The following DNA2 variants were observed in gnomAD, a reference collection of about 807,000 sequenced individuals.
DNA2 encodes DNA replication helicase/nuclease 2.
A neutral mutation model predicts 119.1 loss-of-function variants in DNA2; 101 were observed. The observed-to-expected ratio is 0.85, with a 90% CI of 0.72 to 1.00. DNA2 has a LOEUF of 1.00. Ranked by LOEUF, DNA2 falls within the 50% of genes least tolerant of loss-of-function variation. The pLI is 0.00. For missense variants in DNA2, 1,121 were observed against 1,255.5 expected (o/e 0.89, Z 1.62); for synonymous variants, 366 against 424.4 (o/e 0.86, Z 1.69).
chr10:68,434,269 T>C (rs1008574991), intron 10 of DNA2, among the ~76,000 whole-genome samples: 17 of 141,378 alleles, frequency 1.2e-4, no homozygotes, highest in African/African-American at 2.2e-4. Flanking sequence ...TGAGACGGTC[T>C]CAAAAAAAAA....
intron 20 of DNA2, 81 bp downstream of exon 20, chr10:68,416,628 T>C: frequency 7.1e-7 from 1 of 1,407,044 alleles, no homozygotes; most frequent in Admixed American, 1.8e-5. Flanking sequence ...AGCAACATAG[T>C]GAGAGCTTTA....
intron 4 of DNA2, among the ~76,000 whole-genome samples, chr10:68,462,584 T>C (rs778453275): frequency 2.0e-5 from 3 of 152,158 alleles, no homozygotes; most frequent in Non-Finnish European, 4.4e-5. Flanking sequence ...TTATTCCAGT[T>C]CCTTCTTTAT....
intron 5 of DNA2, 27 bp downstream of exon 5, chr10:68,459,077 T>C (rs1245292732): frequency 1.3e-6 from 2 of 1,558,848 alleles, no homozygotes; most frequent in Non-Finnish European, 1.7e-6. Context: ...ATGAAGACTA[T>C]ATATATAAAC....
chr10:68,429,907 G>T (rs1176952470), intron 14 of DNA2, among the ~76,000 whole-genome samples: 2 of 129,554 alleles, frequency 1.5e-5, no homozygotes, highest in African/African-American at 6.1e-5. Flanking sequence ...TTTTGAGCTG[G>T]AGTCTTGCAT....
Position 68,422,535 on chromosome 10 carries a change from G to A in DNA2, c.2472C>T (p.Thr824=), listed in dbSNP as rs767523892. The change falls in exon 16 of 21, where the codon ACC becomes ACT. Residue 824 remains threonine, a synonymous_variant. Transcript: ENST00000358410. The part of the protein sequence containing the change: ...EQNKSAVVQL[T]VQYRMNSKIM... ...AATACCTGTTCATTCTGTACTGCAC[G>A]GTTAACTGTACAACAGCACTCTTAT... 97 of 1,613,760 alleles carry A rather than the reference G, an allele frequency of 6.0e-5. No homozygotes were observed. Among genetic ancestry groups the A allele is most frequent in the Admixed American group, 1.2e-4 (7 of 59,982 alleles).
Position 68,416,735 on chromosome 10 carries a change from G to A in DNA2, c.3088C>T (p.Leu1030Phe). The A allele has an allele frequency of 6.2e-7, 1 of 1,613,758 alleles. No individual in the cohort carries two copies. The highest frequency in any genetic ancestry group is 8.5e-7 in the Non-Finnish European group (1 of 1,179,710). The change falls in exon 20 of 21, where the codon CTT (leucine) becomes TTT (phenylalanine). Residue 1030 changes from leucine to phenylalanine, a missense_variant. Leu to Phe is a conservative substitution (Grantham distance 22, BLOSUM62 0). Coordinates refer to ENST00000358410, the MANE Select transcript of DNA2 (RefSeq NM_001080449.3). Reference protein sequence around the residue: ...LNCYPPLEKLLNHLNSEKLII... With the variant: ...LNCYPPLEKLFNHLNSEKLII... Reference sequence around the variant, plus strand: ...AATTTTTCTGAGTTTAAATGATTAAGCAGCTTCTCCAAAGGAGGATAGCAA... The same window carrying A: ...AATTTTTCTGAGTTTAAATGATTAAACAGCTTCTCCAAAGGAGGATAGCAA...
At chr10:68,440,183 A>C (rs1383193500) in intron 9 of DNA2, among the ~76,000 whole-genome samples, 1 of 151,970 alleles carries the variant, frequency 6.6e-6, no homozygotes, top group Non-Finnish European at 1.5e-5. Flanking sequence ...ACGTGCCTGT[A>C]AACCCAGCTT....
chr10:68,444,460 C>T (rs1016769779), intron 8 of DNA2, among the ~76,000 whole-genome samples: 6 of 151,716 alleles, frequency 4.0e-5, no homozygotes, highest in African/African-American at 1.2e-4. Context: ...CGCGGTGGCT[C>T]ACGCCTGTAA....
chr10:68,417,123 G>A (rs991792579), intron 19 of DNA2, among the ~76,000 whole-genome samples: 2 of 151,708 alleles, frequency 1.3e-5, no homozygotes, highest in Admixed American at 6.6e-5. Context: ...GTGCACCTAC[G>A]GTCCCAGCTA....
rs540241779 is a variant in DNA2, at chr10:68,470,045, G to A, written c.193C>T (p.Arg65Cys). The A allele has an allele frequency of 8.7e-6, 14 of 1,613,540 alleles. No individual in the cohort carries two copies. Among genetic ancestry groups the A allele is most frequent in the East Asian group, 2.2e-5 (1 of 44,886 alleles). Residue 65 changes from arginine to cysteine, a missense_variant, in exon 2 of 21, where the codon CGC (arginine) becomes TGC (cysteine). By Grantham distance (180) the Arg-to-Cys change is radical. Coordinates refer to ENST00000358410, the MANE Select transcript of DNA2 (RefSeq NM_001080449.3). ...GACTGTGAAGCAGTGATGACCAGGC[G>A]CTTTTCACAGTTTCCCTCTTTGTTC... is the stretch of plus-strand genomic sequence containing the variant. Reference protein sequence around the residue: ...VQNKEGNCEKRLVITASQSLE... With the variant: ...VQNKEGNCEKCLVITASQSLE...
chr10:68,425,550 T>G (rs2051729161), intron 14 of DNA2, among the ~76,000 whole-genome samples: 1 of 151,834 alleles, frequency 6.6e-6, no homozygotes, highest in Admixed American at 6.6e-5. Context: ...TACAGGTACC[T>G]GCCACCATAC....
chr10:68,429,183 T>A (rs1306029502), intron 14 of DNA2, among the ~76,000 whole-genome samples: 1 of 146,804 alleles, frequency 6.8e-6, no homozygotes, highest in African/African-American at 2.5e-5. Context: ...AAGACAAAAA[T>A]ATCAGTTAAG....
intron 20 of DNA2, among the ~76,000 whole-genome samples, chr10:68,415,855 T>C (rs563771506): frequency 1.3e-5 from 2 of 151,556 alleles, no homozygotes; most frequent in African/African-American, 4.8e-5. Flanking sequence ...GGTTTCACCA[T>C]GTTAGCCAGG....
Position 68,450,221 on chromosome 10 carries a change from G to T in DNA2, c.746C>A (p.Ser249Ter), listed in dbSNP as rs755706807. ...SLPSDNSKDNSTCNIEVVKPM... is the reference protein window; with the variant it reads ...SLPSDNSKDN ...TTTCACGACTTCAATGTTACATGTT[G>T]AATTATCCTTACTATTATCACTTGG... Residue 249 changes from serine (S) to a stop codon, truncating the protein, a stop_gained, in exon 6 of 21, where the codon TCA becomes TAA. Coordinates refer to ENST00000358410, the MANE Select transcript of DNA2 (RefSeq NM_001080449.3). LOFTEE classifies it high-confidence loss of function. 1.0e-5 allele frequency: 16 copies of T among 1,581,180 alleles called. No individual in the cohort carries two copies. The highest frequency in any genetic ancestry group is 1.1e-5 in the South Asian group (1 of 87,172).
chr10:68,471,657 C>G, intron 1 of DNA2, 134 bp downstream of exon 1: 1 of 1,109,538 alleles, frequency 9.0e-7, no homozygotes, highest in East Asian at 2.8e-5. Context: ...GGAGGCTCGT[C>G]GGGTGCCCAG....
chr10:68,470,762 G>A (rs116038834), intron 1 of DNA2: 2 of 329,066 alleles, frequency 6.1e-6, no homozygotes, highest in Admixed American at 4.4e-5. Flanking sequence ...TTACGGAAAA[G>A]GGTATTGTCC....
intron 14 of DNA2, among the ~76,000 whole-genome samples, chr10:68,429,283 G>A (rs187696420): frequency 6.4e-4 from 96 of 150,202 alleles, no homozygotes; most frequent in Non-Finnish European, 1.0e-3. Context: ...AGTAGTTCAC[G>A]CCTATAATCC....
intron 14 of DNA2, chr10:68,424,645 T>G: frequency 6.2e-7 from 1 of 1,602,306 alleles, no homozygotes; most frequent in Non-Finnish European, 8.5e-7. Flanking sequence ...CACCGGAAGA[T>G]CATGTCATCC....
chr10:68,430,962 C>T (rs2051812380), intron 13 of DNA2, among the ~76,000 whole-genome samples: 1 of 151,982 alleles, frequency 6.6e-6, no homozygotes, highest in Non-Finnish European at 1.5e-5. Context: ...AGTGAGATGC[C>T]ATCTCTTTTT....
Sources: gnomAD v4.1 joint callset for allele counts (sites outside exome capture counted in the v4.1 genomes callset) on GRCh38, gnomAD v4.1.1 for gene constraint, MANE v1.5 for transcripts, NCBI Gene and HGNC (gene_info 2026-07-23, HGNC 2026-07-21) for gene names.